The following FGF13 variants were observed in gnomAD, a reference collection of about 807,000 sequenced individuals.
FGF13 encodes fibroblast growth factor 13, also known as fibroblast growth factor homologous factor 2.
FGF13 carries 2 observed loss-of-function variants against 19.5 expected under a neutral mutation model. The ratio of observed to expected loss-of-function variants is 0.10; its 90% CI spans 0.04 to 0.32. FGF13 has a LOEUF of 0.32. Among genes scored for constraint, FGF13 ranks in the 10% least tolerant of loss-of-function variants. The pLI is 1.00. For synonymous variants in FGF13, 72 were observed against 76.9 expected (o/e 0.94, Z 0.33); for missense variants, 113 against 192.7 (o/e 0.59, Z 2.45).
chrX:138,883,052 A>T (rs1460342047), intron 1 of FGF13, among the ~76,000 whole-genome samples: 1 of 112,124 alleles, frequency 8.9e-6, no homozygotes, highest in Non-Finnish European at 1.9e-5. Context: ...AGAAGCACAG[A>T]CACATGGATC....
intron 3 of FGF13, among the ~76,000 whole-genome samples, chrX:138,668,292 T>G (rs2124166315): frequency 9.0e-6 from 1 of 111,606 alleles, no homozygotes; most frequent in Non-Finnish European, 1.9e-5. Flanking sequence ...ATCATAAACC[T>G]TATAAGCATT....
rs775710042 is a variant in FGF13, at chrX:139,099,485, T to C, written c.-113+103931A>G. On this transcript the variant is annotated intron_variant, in intron 1 of 2. Coordinates refer to the FGF13 transcript ENST00000421460. ...TTGTTAGAGTACTGACAAACGTAGG[T>C]AGGATCAATGGTTGTCCTTTTGCTT... Among the ~76,000 whole-genome samples, 10 of 109,583 alleles carry C rather than the reference T, an allele frequency of 9.1e-5. No homozygotes were observed. The South Asian group carries it at 3.6e-3, about 40-fold the overall frequency.
chrX:138,942,220 G>A (rs2091761758), intron 1 of FGF13, among the ~76,000 whole-genome samples: 1 of 111,336 alleles, frequency 9.0e-6, no homozygotes, highest in Non-Finnish European at 1.9e-5. Context: ...GGCTGAGGGT[G>A]AACCATTTGC....
intron 1 of FGF13, among the ~76,000 whole-genome samples, chrX:139,124,593 A>C (rs774467676): frequency 1.8e-5 from 2 of 111,581 alleles, no homozygotes; most frequent in African/African-American, 3.3e-5. Flanking sequence ...CAGATCCTGG[A>C]ATTAGACAAT....
intron 1 of FGF13, among the ~76,000 whole-genome samples, chrX:138,868,482 G>T (rs2091341082): frequency 9.0e-6 from 1 of 111,268 alleles, no homozygotes; most frequent in Non-Finnish European, 1.9e-5. Context: ...ACAGAGTGAT[G>T]TCATAGTTAC....
chrX:139,138,933 T>A (rs994139775), intron 1 of FGF13, among the ~76,000 whole-genome samples: 3 of 103,404 alleles, frequency 2.9e-5, no homozygotes, highest in Non-Finnish European at 6.0e-5. Flanking sequence ...TATCTTTTTT[T>A]TTTTTTTTTT....
intron 1 of FGF13, among the ~76,000 whole-genome samples, chrX:138,866,303 A>C (rs1303893071): frequency 1.8e-5 from 2 of 112,647 alleles, no homozygotes; most frequent in Non-Finnish European, 3.7e-5. Flanking sequence ...GTGGCAAACC[A>C]AAGTGTCTAT....
chrX:138,998,554 A>G (rs1487757732), intron 1 of FGF13, among the ~76,000 whole-genome samples: 4 of 111,150 alleles, frequency 3.6e-5, no homozygotes, highest in Non-Finnish European at 7.5e-5. Flanking sequence ...GATAAAACAG[A>G]CTTTAAGCCA....
In FGF13 at chrX:138,711,713, G is replaced by T; in HGVS notation, c.-710C>A. 1.3e-6 allele frequency: 1 copy of T among 751,782 alleles called. No homozygotes were observed. The highest frequency in any genetic ancestry group is 1.6e-6 in the Non-Finnish European group (1 of 636,825). The allele number at this position is 751,782 out of a possible 1,213,427, so 62.0% of individuals were successfully genotyped here. A position where few individuals can be genotyped will look rare whatever the true frequency, so the allele number is the denominator to read the frequency against. The stretch of plus-strand genomic sequence containing the variant: ...CGCCGCAGGCACCCTCCGGAACAGC[G>T]CGACAGCCTCCTTGCAGCCCCCTCC... On this transcript the variant is annotated 5_prime_UTR_variant, in exon 1 of 5. Coordinates refer to ENST00000315930, the MANE Select transcript of FGF13 (RefSeq NM_004114.5).
At chrX:138,781,396 T>C (rs1377262713) in intron 3 of FGF13, among the ~76,000 whole-genome samples, 1 of 109,048 alleles carries the variant, frequency 9.2e-6, no homozygotes, top group Non-Finnish European at 1.9e-5. Context: ...TTTGAAAAGA[T>C]CAACAAAATT....
chrX:138,759,296 C>G (rs377158365), intron 3 of FGF13, among the ~76,000 whole-genome samples: 1 of 112,061 alleles, frequency 8.9e-6, no homozygotes, highest in African/African-American at 3.2e-5. Flanking sequence ...ATTGATGCCC[C>G]GACATCTCCT....
Position 138,872,796 on chromosome X carries a change from C to T in FGF13, c.-112-8146G>A, listed in dbSNP as rs758991401. ...CTAGCATTCCTAGCTCAGCTCCTTC[C>T]TTTTTACTTTCTCCTTGGGAGTCAG... On this transcript the variant is annotated intron_variant, in intron 1 of 2. Transcript: ENST00000421460. Among the ~76,000 whole-genome samples the T allele has an allele frequency of 1.1e-4, 12 of 111,661 alleles. No homozygotes were observed. The East Asian group carries it at 3.1e-3, about 29-fold the overall frequency.
intron 1 of FGF13, among the ~76,000 whole-genome samples, chrX:139,120,875 T>C (rs1025776768): frequency 8.9e-6 from 1 of 112,550 alleles, no homozygotes; most frequent in Non-Finnish European, 1.9e-5. Flanking sequence ...AGATTCACTA[T>C]TGAAATACAG....
chrX:138,996,095 G>C (rs1227896424), intron 1 of FGF13, among the ~76,000 whole-genome samples: 1 of 111,813 alleles, frequency 8.9e-6, no homozygotes, highest in Non-Finnish European at 1.9e-5. Context: ...GCTCTGGTCT[G>C]CTGCTCCCAG....
intron 1 of FGF13, among the ~76,000 whole-genome samples, chrX:138,725,619 C>T (rs1485892544): frequency 8.9e-6 from 1 of 111,759 alleles, no homozygotes; most frequent in African/African-American, 3.2e-5. Flanking sequence ...CAAGTCTGTA[C>T]TTCTTCAGGG....
At chrX:138,913,663 A>C in intron 1 of FGF13, among the ~76,000 whole-genome samples, 1 of 96,654 alleles carries the variant, frequency 1.0e-5, no homozygotes, top group Non-Finnish European at 2.1e-5. Context: ...GAAGGAAGGA[A>C]GGAAGGAAGG....
At chrX:138,909,035 T>G (rs922954875) in intron 1 of FGF13, among the ~76,000 whole-genome samples, 1 of 112,026 alleles carries the variant, frequency 8.9e-6, no homozygotes, top group Non-Finnish European at 1.9e-5. Flanking sequence ...AACACAGCAA[T>G]GTACCAGAAT....
chrX:138,952,061 G>A (rs899187733), intron 1 of FGF13, among the ~76,000 whole-genome samples: 1 of 111,391 alleles, frequency 9.0e-6, no homozygotes, highest in Admixed American at 9.6e-5. Flanking sequence ...TTTCTTCACA[G>A]AATTGGAAAA....
intron 1 of FGF13, among the ~76,000 whole-genome samples, chrX:138,999,830 A>G (rs750755731): frequency 1.8e-5 from 2 of 112,185 alleles, no homozygotes; most frequent in African/African-American, 6.5e-5. Flanking sequence ...TCCCTAACTC[A>G]TTTTATGAGG....
Sources: allele counts gnomAD v4.1 joint callset (sites outside exome capture counted in the v4.1 genomes callset), GRCh38; gene constraint gnomAD v4.1.1; transcripts MANE v1.5; gene names NCBI Gene and HGNC (gene_info 2026-07-23, HGNC 2026-07-21).